Variants in CLK1 observed in about 807,000 individuals in gnomAD.
CLK1 encodes CDC like kinase 1.
In CLK1, 40 loss-of-function variants were observed where a neutral mutation model predicts 60.9. The ratio of observed to expected loss-of-function variants is 0.66; its 90% CI spans 0.51 to 0.86. The LOEUF is 0.86. Ranked by LOEUF, CLK1 falls within the 40% of genes least tolerant of loss-of-function variation. The probability of loss-of-function intolerance (pLI) is 0.00; values close to 1 mark genes in which losing one functional copy is unlikely to be tolerated. For synonymous variants in CLK1, 203 were observed against 184.4 expected, an observed-to-expected ratio of 1.10 and a Z score of -0.82; for missense variants, 563 against 606.1, an observed-to-expected ratio of 0.93 and a Z score of 0.75.
rs756563315 is a variant in CLK1 at position 200,853,458 on chromosome 2, A to G, written c.1312-9T>C. ...TGAGAAAGCATAAATTCCTGGAAGA[A>G]AAAAAGAAATTCATTCAACAGCCTT... is the stretch of plus-strand genomic sequence containing the variant. On this transcript the variant is annotated splice_polypyrimidine_tract_variant and intron_variant, in intron 12 of 12. Transcript: ENST00000321356. The G allele has an allele frequency of 6.2e-7, 1 of 1,601,282 alleles. No homozygotes were observed. The highest frequency in any genetic ancestry group is 8.5e-7 in the Non-Finnish European group (1 of 1,176,516).
chr2:200,857,829 A>G lies in CLK1; in HGVS notation c.721T>C (p.Phe241Leu). The G allele has an allele frequency of 6.2e-7, 1 of 1,613,948 alleles. No individual in the cohort carries two copies. Among genetic ancestry groups the G allele is most frequent in the South Asian group, 1.1e-5 (1 of 91,038 alleles). Residue 241 changes from phenylalanine to leucine, a missense_variant, in exon 7 of 13, where the codon TTT (phenylalanine) becomes CTT (leucine). Phe to Leu is a conservative substitution (Grantham distance 22). Transcript: ENST00000321356. ...TAAGTACTAAGTCCCAATAGTTCAA[A>G]AACAATGCAAATGTGACCATGATGC... ...FEHHGHICIV[F>L]ELLGLSTYDF...
intron 3 of CLK1, 118 bp downstream of exon 3, chr2:200,861,120 G>A (rs2039130622): frequency 6.7e-7 from 1 of 1,496,334 alleles, no homozygotes; most frequent in African/African-American, 1.4e-5. Flanking sequence ...AAATCCTGCA[G>A]GTTAAAACTG....
At chr2:200,857,399 TTAC>T (rs2039061488) in intron 7 of CLK1, 2 of 268,346 alleles carry the variant, frequency 7.5e-6, no homozygotes, top group Admixed American at 4.8e-5. Flanking sequence ...TAACTAAAAC[TTAC>T]TACCTCTTAT....
chr2:200,857,932 T>TA, intron 6 of CLK1, 41 bp downstream of exon 6: 1 of 1,611,382 alleles, frequency 6.2e-7, no homozygotes. Context: ...CTAATTTAAA[T>TA]ATACCTGATA....
chr2:200,858,878 C>T (rs1405269232), intron 5 of CLK1, among the ~76,000 whole-genome samples: 4 of 150,034 alleles, frequency 2.7e-5, no homozygotes, highest in Non-Finnish European at 4.4e-5. Flanking sequence ...TCTATACTAT[C>T]TTAAGAAATT....
At chr2:200,864,516 C>G in intron 1 of CLK1, 48 bp downstream of exon 1, 1 of 408,966 alleles carries the variant, frequency 2.4e-6, no homozygotes. Flanking sequence ...GCCCGCGAGG[C>G]TCACAGGAAC....
chr2:200,858,159 A>C, intron 5 of CLK1, 70 bp from the exon 6 acceptor site: 2 of 980,774 alleles, frequency 2.0e-6, no homozygotes, highest in Admixed American at 1.7e-5. Context: ...TACTGTCTTC[A>C]AACTGTACTA....
chr2:200,860,303 C>A, intron 3 of CLK1, 88 bp from the exon 4 acceptor site: 3 of 1,583,026 alleles, frequency 1.9e-6, no homozygotes, highest in African/African-American at 1.3e-5. Context: ...ATTCATTCAG[C>A]GGGGAGATAT....
At chr2:200,859,573 G>T in intron 5 of CLK1, 107 bp downstream of exon 5, 1 of 751,078 alleles carries the variant, frequency 1.3e-6, no homozygotes, top group Non-Finnish European at 2.2e-6. Flanking sequence ...AAGTAAAAAA[G>T]GGTATAAAGA....
At chr2:200,863,500 T>C (rs1315985896) in intron 1 of CLK1, among the ~76,000 whole-genome samples, 1 of 151,966 alleles carries the variant, frequency 6.6e-6, no homozygotes, top group African/African-American at 2.4e-5. Context: ...GAAGCTGCAG[T>C]GAGCCGTCAT....
At chr2:200,855,961 A>T (rs927068573) in intron 9 of CLK1, among the ~76,000 whole-genome samples, 24 of 150,844 alleles carry the variant, frequency 1.6e-4, no homozygotes, top group African/African-American at 5.9e-4. Flanking sequence ...GTGAGCCAAG[A>T]TTGCACCACT....
intron 10 of CLK1, 129 bp from the exon 11 acceptor site, chr2:200,854,824 G>A: frequency 1.2e-6 from 1 of 805,640 alleles, no homozygotes; most frequent in Non-Finnish European, 2.1e-6. Context: ...CATGGACACG[G>A]ATAATTGCTT....
chr2:200,859,785 G>A, intron 4 of CLK1, 39 bp from the exon 5 acceptor site: 2 of 1,607,618 alleles, frequency 1.2e-6, no homozygotes. Context: ...ATCAAGAAGT[G>A]GAAACAATGT....
At chr2:200,861,927 A>C in intron 1 of CLK1, 65 bp from the exon 2 acceptor site, 1 of 1,434,980 alleles carries the variant, frequency 7.0e-7, no homozygotes, top group Non-Finnish European at 9.6e-7. Flanking sequence ...AAAATTCGTA[A>C]TTACAAAGGT....
Position 200,858,028 on chromosome 2 carries a change from G to A in CLK1, c.610C>T (p.Arg204Cys), listed in dbSNP as rs774643995. 4.3e-6 allele frequency: 7 copies of A among 1,613,912 alleles called. No homozygotes were observed. The highest frequency in any genetic ancestry group is 4.2e-6 in the Non-Finnish European group (5 of 1,179,956). The change falls in exon 6 of 13, where the codon CGC becomes TGC. Residue 204 changes from arginine (R) to cysteine (C), a missense_variant. Physicochemically the swap from Arg to Cys is radical, Grantham distance 180. This residue lies in a region of CLK1 where 360 missense variants were observed against 407.0 expected (regional missense o/e 0.88). Transcript: ENST00000321356. The stretch of plus-strand genomic sequence containing the variant: ...TGTTCCAGAACTTGTATTTCTGAGC[G>A]AGCAGCTTCACAGTATCTATCCACA... ...KNVDRYCEAA[R>C]SEIQVLEHLN... is the part of the protein sequence containing the mutation.
At chr2:200,864,325 G>A (rs1162355549) in intron 1 of CLK1, 2 of 1,422,640 alleles carry the variant, frequency 1.4e-6, no homozygotes, top group African/African-American at 2.9e-5. Context: ...GCTCCAAGAG[G>A]GCGGCCGGCC....
chr2:200,856,007 T>TA (rs1367326962), intron 9 of CLK1, among the ~76,000 whole-genome samples: 1 of 151,224 alleles, frequency 6.6e-6, no homozygotes, highest in African/African-American at 2.4e-5. Flanking sequence ...AGTCTCCGTC[T>TA]AAAAAATAAA....
At chr2:200,864,422 C>G in intron 1 of CLK1, 142 bp downstream of exon 1, 2 of 689,052 alleles carry the variant, frequency 2.9e-6, no homozygotes, top group South Asian at 2.3e-5. Context: ...CGCCACTGTG[C>G]AGCCTGGGAG....
At chr2:200,859,885 C>G (rs2039106876) in intron 4 of CLK1, 139 bp from the exon 5 acceptor site, 3 of 1,447,840 alleles carry the variant, frequency 2.1e-6, no homozygotes, top group Non-Finnish European at 2.7e-6. Context: ...TCAACACCAT[C>G]AAAAAACATA....
Sources: gnomAD v4.1 joint callset for allele counts (sites outside exome capture counted in the v4.1 genomes callset) on GRCh38, gnomAD v4.1.1 for gene constraint, gnomAD v4.1.1 regional missense constraint, MANE v1.5 for transcripts, NCBI Gene and HGNC (gene_info 2026-07-23, HGNC 2026-07-21) for gene names.